PRKCH: variants seen among roughly 807,000 people sequenced by gnomAD.
The protein encoded by PRKCH is protein kinase C eta type.
Under a neutral mutation model 82.5 loss-of-function variants are expected in PRKCH, and 28 were observed. That is an observed-to-expected ratio of 0.34 (90% CI 0.25 to 0.47). The LOEUF (loss-of-function observed/expected upper bound fraction) is 0.47, where lower values mean the gene tolerates loss of function less well. Among genes scored for constraint, PRKCH ranks in the 20% least tolerant of loss-of-function variants. PRKCH has a pLI of 1.00. For synonymous variants in PRKCH, 322 were observed against 327.4 expected (o/e 0.98, Z 0.18); for missense variants, 705 against 881.8 (o/e 0.80, Z 2.54).
intron 1 of PRKCH, among the ~76,000 whole-genome samples, chr14:61,229,997 T>C (rs1181520036): frequency 6.6e-6 from 1 of 152,214 alleles, no homozygotes; most frequent in Non-Finnish European, 1.5e-5. Flanking sequence ...GTGTTTGTTG[T>C]CTTTTTTCCT....
chr14:61,399,395 G>GT (rs963154786), intron 2 of PRKCH, among the ~76,000 whole-genome samples: 1 of 152,144 alleles, frequency 6.6e-6, no homozygotes, highest in Non-Finnish European at 1.5e-5. Context: ...AAGCTGGAGG[G>GT]TTTTTTAATG....
At chr14:61,494,415 T>C (rs1433128942) in intron 10 of PRKCH, among the ~76,000 whole-genome samples, 1 of 152,168 alleles carries the variant, frequency 6.6e-6, no homozygotes, top group African/African-American at 2.4e-5. Context: ...TACTTTAGAG[T>C]ATGTGTGTGA....
intron 1 of PRKCH, among the ~76,000 whole-genome samples, chr14:61,233,609 G>A (rs2044762498): frequency 6.6e-6 from 1 of 152,076 alleles, no homozygotes; most frequent in Non-Finnish European, 1.5e-5. Flanking sequence ...CCTCATGTGT[G>A]GTGGGAGACA....
intron 1 of PRKCH, among the ~76,000 whole-genome samples, chr14:61,325,172 G>C (rs1169986166): frequency 1.3e-5 from 2 of 152,192 alleles, no homozygotes; most frequent in African/African-American, 4.8e-5. Flanking sequence ...GAATAGTTTT[G>C]AAAAAGAACA....
intron 1 of PRKCH, among the ~76,000 whole-genome samples, chr14:61,363,578 A>G (rs535076366): frequency 1.9e-4 from 29 of 152,174 alleles, no homozygotes; most frequent in Non-Finnish European, 3.8e-4. Flanking sequence ...ATGGGTATGT[A>G]GGGGCCAAGG....
chr14:61,220,670 G>A (rs987353827), intron 1 of PRKCH, among the ~76,000 whole-genome samples: 6 of 152,198 alleles, frequency 3.9e-5, no homozygotes, highest in Non-Finnish European at 8.8e-5. Context: ...TTAGCATGGT[G>A]CATAAGGCAG....
chr14:61,313,321 A>G (rs1271182707), intron 1 of PRKCH, among the ~76,000 whole-genome samples: 1 of 152,256 alleles, frequency 6.6e-6, no homozygotes, highest in East Asian at 1.9e-4. Context: ...AGTTAATGGA[A>G]CAACCTGACC....
In PRKCH at chr14:61,382,812, A is replaced by C. The variant is rs76601915; in HGVS notation, c.364-8413A>C. ...CTTATTCCAGGCTGAAATGAATGTTATGTAGCTAGAAGTTTCCTGTCTGTG... is the reference window on the plus strand; with the variant it reads ...CTTATTCCAGGCTGAAATGAATGTTCTGTAGCTAGAAGTTTCCTGTCTGTG... On this transcript the variant is annotated intron_variant, in intron 1 of 13. Coordinates refer to ENST00000332981, the MANE Select transcript of PRKCH (RefSeq NM_006255.5). Among the ~76,000 whole-genome samples the C allele has an allele frequency of 1.4e-4, 21 of 152,332 alleles. No individual in the cohort carries two copies. The East Asian group carries it at 2.9e-3, about 21-fold the overall frequency.
intron 2 of PRKCH, among the ~76,000 whole-genome samples, chr14:61,432,831 C>A (rs1461208801): frequency 6.6e-6 from 1 of 151,976 alleles, no homozygotes; most frequent in African/African-American, 2.4e-5. Context: ...ACTTCAGCCT[C>A]CCAAAGTCCT....
At position 61,280,182 on chromosome 14, in the gene PRKCH, C is replaced by A; in HGVS notation, c.-19+92514C>A. On this transcript the variant is annotated intron_variant, in intron 1 of 3. Coordinates refer to the PRKCH transcript ENST00000555185. This position sits in a 1 kb window ranked among gnomAD's most constrained non-coding sequence, Gnocchi z 5.0. The stretch of plus-strand genomic sequence containing the variant: ...TGAGGATGCAGAGGGAGCCGACGAC[C>A]AGGTAGGCGATGCCCAGGAAGGGGT... 6.2e-7 allele frequency: 1 copy of A among 1,614,148 alleles called. No homozygotes were observed. The highest frequency in any genetic ancestry group is 1.7e-5 in the Admixed American group (1 of 60,026).
chr14:61,370,144 A>G (rs111304155), intron 1 of PRKCH, among the ~76,000 whole-genome samples: 2,360 of 152,044 alleles, frequency 0.016, 108 homozygotes, highest in African/African-American at 0.054. Context: ...AGGTTTCACC[A>G]TGTTGCTCAG....
chr14:61,328,923 C>T (rs1945085687), intron 1 of PRKCH, among the ~76,000 whole-genome samples: 1 of 151,238 alleles, frequency 6.6e-6, no homozygotes, highest in Admixed American at 6.6e-5. Context: ...GAGGTTGAGG[C>T]TGCAGTGAGC....
intron 2 of PRKCH, among the ~76,000 whole-genome samples, chr14:61,392,138 C>A (rs1247032410): frequency 2.7e-5 from 4 of 150,670 alleles, no homozygotes; most frequent in Non-Finnish European, 5.9e-5. Context: ...AATGTAGCAT[C>A]CATTTGTTTA....
chr14:61,411,584 A>C (rs989443757), intron 2 of PRKCH, among the ~76,000 whole-genome samples: 1 of 152,242 alleles, frequency 6.6e-6, no homozygotes, highest in African/African-American at 2.4e-5. Context: ...GAAACAAATG[A>C]GGTGAGACCT....
At chr14:61,506,641 C>A (rs1887163632) in intron 10 of PRKCH, among the ~76,000 whole-genome samples, 1 of 152,144 alleles carries the variant, frequency 6.6e-6, no homozygotes, top group Non-Finnish European at 1.5e-5. Flanking sequence ...GCTCTTTATT[C>A]TCAGGCTACC....
chr14:61,319,830 C>T (rs1050725930), upstream of PRKCH, among the ~76,000 whole-genome samples: 1 of 152,232 alleles, frequency 6.6e-6, no homozygotes, highest in African/African-American at 2.4e-5. Context: ...TAGAGTGATG[C>T]GTTGCATCCC....
At chr14:61,468,854 A>G (rs916499785) in intron 9 of PRKCH, among the ~76,000 whole-genome samples, 40 of 152,200 alleles carry the variant, frequency 2.6e-4, no homozygotes, top group Non-Finnish European at 5.4e-4. Flanking sequence ...CCTGTGTCTC[A>G]TGATGACTGA....
At chr14:61,365,347 A>T (rs2046285374) in intron 1 of PRKCH, among the ~76,000 whole-genome samples, 2 of 152,114 alleles carry the variant, frequency 1.3e-5, no homozygotes, top group Admixed American at 1.3e-4. Context: ...TTTGACAATG[A>T]ATATAACTTA....
chr14:61,429,302 T>C (rs1156383589), intron 2 of PRKCH, among the ~76,000 whole-genome samples: 6 of 152,218 alleles, frequency 3.9e-5, no homozygotes, highest in Non-Finnish European at 8.8e-5. Context: ...TGGAACCAAT[T>C]TGTAAGTTTT....
Sources: gnomAD v4.1 joint callset for allele counts (sites outside exome capture counted in the v4.1 genomes callset) on GRCh38, gnomAD v4.1.1 for gene constraint, Gnocchi (gnomAD v3.1) non-coding constraint, MANE v1.5 for transcripts, NCBI Gene and HGNC (gene_info 2026-07-23, HGNC 2026-07-21) for gene names.